The following FER1L6 variants were observed in gnomAD, a reference collection of about 807,000 sequenced individuals.
FER1L6 encodes the protein fer-1-like protein 6.
FER1L6 carries 177 observed loss-of-function variants against 219.2 expected under a neutral mutation model. The ratio of observed to expected loss-of-function variants is 0.81; its 90% CI spans 0.71 to 0.91. The LOEUF (loss-of-function observed/expected upper bound fraction) is 0.91, where lower values mean the gene tolerates loss of function less well. FER1L6 is among the 40% of genes least tolerant of loss of function. The pLI is 0.00. For missense variants in FER1L6, 2,153 were observed against 2,259.9 expected (o/e 0.95, Z 0.96); for synonymous variants, 768 against 824.3 (o/e 0.93, Z 1.17).
rs1379692370 is a variant in FER1L6 at position 124,085,204 on chromosome 8, T to C, written c.4391+2746T>C. Among the ~76,000 whole-genome samples the C allele has an allele frequency of 3.3e-5, 5 of 152,134 alleles. No homozygotes were observed. In the East Asian group the frequency reaches 9.6e-4, roughly 29 times the overall value. The stretch of plus-strand genomic sequence containing the variant: ...AGCCTAGCTAAAGAGTTGCCAATTT[T>C]GTTTATCTTTTTGAAAAACCAACTT... On this transcript the variant is annotated intron_variant, in intron 33 of 40. Coordinates refer to ENST00000522917, the MANE Select transcript of FER1L6 (RefSeq NM_001039112.2).
chr8:123,994,440 A>T (rs1817029082), intron 12 of FER1L6, among the ~76,000 whole-genome samples: 1 of 152,152 alleles, frequency 6.6e-6, no homozygotes, highest in Non-Finnish European at 1.5e-5. Context: ...GAGTCCAGAG[A>T]AGGAGTGGGG....
intron 16 of FER1L6, 101 bp downstream of exon 16, chr8:124,017,819 T>C (rs1818267960): frequency 1.2e-6 from 1 of 868,246 alleles, no homozygotes; most frequent in Non-Finnish European, 1.8e-6. Context: ...TTAAAGGTCA[T>C]ACATTTTTGG....
chr8:124,109,806 A>G (rs376114725), intron 39 of FER1L6, among the ~76,000 whole-genome samples: 3 of 152,344 alleles, frequency 2.0e-5, no homozygotes, highest in Admixed American at 6.5e-5. Flanking sequence ...AGAAGCTGCT[A>G]TCTTGAGGGG....
chr8:124,072,755 A>G (rs892513130), intron 31 of FER1L6, among the ~76,000 whole-genome samples: 8 of 152,218 alleles, frequency 5.3e-5, no homozygotes, highest in African/African-American at 1.9e-4. Context: ...GATGAGAAGA[A>G]CTTAGAGTCA....
intron 18 of FER1L6, among the ~76,000 whole-genome samples, chr8:124,029,396 A>G (rs867882074): frequency 1.3e-5 from 2 of 152,170 alleles, no homozygotes; most frequent in South Asian, 2.1e-4. Context: ...ACTTCCACCA[A>G]CAGTGTTCCT....
chr8:124,110,623 CAA>C, intron 39 of FER1L6, among the ~76,000 whole-genome samples: 1 of 152,290 alleles, frequency 6.6e-6, no homozygotes, highest in African/African-American at 2.4e-5. Flanking sequence ...TAAGAGATTG[CAA>C]AGACAGAAAT....
At chr8:123,921,629 C>CT (rs1288057227) in intron 1 of FER1L6, among the ~76,000 whole-genome samples, 6 of 151,320 alleles carry the variant, frequency 4.0e-5, no homozygotes, top group South Asian at 2.1e-4. Context: ...CCCACCTTAC[C>CT]TTTTTTTTGA....
chr8:123,868,134 A>G (rs1563667680), intron 1 of FER1L6, among the ~76,000 whole-genome samples: 2 of 151,692 alleles, frequency 1.3e-5, no homozygotes, highest in Non-Finnish European at 2.9e-5. Flanking sequence ...CCCCTCATTT[A>G]TTGGATGGGA....
At chr8:123,998,970 A>G (rs79741461) in intron 12 of FER1L6, among the ~76,000 whole-genome samples, 8,558 of 151,916 alleles carry the variant, frequency 0.056, 567 homozygotes, top group African/African-American at 0.16. Flanking sequence ...CTCCTCTCTG[A>G]CCCAAGACAG....
In FER1L6 at chr8:123,859,978, A is replaced by T. The variant is rs1368132993; in HGVS notation, c.-8+7793A>T. ...TTTTATTATTATTATTACTATTATT[A>T]TTATTATTTTTTTAATTATACTTTA... On this transcript the variant is annotated intron_variant, in intron 1 of 40. Transcript: ENST00000522917. Among the ~76,000 whole-genome samples, 6 of 122,800 alleles carry T rather than the reference A, an allele frequency of 4.9e-5. 1 individual carries two copies. The highest frequency in any genetic ancestry group is 4.3e-4 in the East Asian group (2 of 4,636). The allele number at this position is 122,800 out of a possible 152,430, so 80.6% of individuals were successfully genotyped here.
chr8:124,065,622 A>G (rs1011999872), intron 26 of FER1L6, among the ~76,000 whole-genome samples: 1 of 152,166 alleles, frequency 6.6e-6, no homozygotes, highest in African/African-American at 2.4e-5. Context: ...TCTCGGATTC[A>G]GTGTTCATCA....
intron 25 of FER1L6, among the ~76,000 whole-genome samples, chr8:124,063,372 C>A (rs1025392067): frequency 2.0e-5 from 3 of 152,042 alleles, no homozygotes; most frequent in African/African-American, 7.2e-5. Flanking sequence ...GCTTTCTCAC[C>A]CCTTGGTCAC....
intron 22 of FER1L6, among the ~76,000 whole-genome samples, chr8:124,053,001 TGGAATGG>T (rs1820121571): frequency 6.6e-6 from 1 of 152,178 alleles, no homozygotes; most frequent in African/African-American, 2.4e-5. Flanking sequence ...AAGGTGGTCG[TGGAATGG>T]CTGACTTGGG....
At chr8:123,856,306 A>ATG (rs1397663136) in intron 1 of FER1L6, among the ~76,000 whole-genome samples, 1 of 74,942 alleles carries the variant, frequency 1.3e-5, no homozygotes, top group African/African-American at 5.8e-5. Flanking sequence ...ATATATATAT[A>ATG]TATGTATGTG....
chr8:123,940,826 T>C (rs1027112002), intron 1 of FER1L6, among the ~76,000 whole-genome samples: 2 of 152,302 alleles, frequency 1.3e-5, no homozygotes, highest in Admixed American at 1.3e-4. Flanking sequence ...TACCAAATCA[T>C]CCTTTCTCTG....
At chr8:123,913,435 G>T (rs1464255307) in intron 1 of FER1L6, among the ~76,000 whole-genome samples, 2 of 152,172 alleles carry the variant, frequency 1.3e-5, no homozygotes, top group African/African-American at 4.8e-5. Context: ...ATAGCCAGCT[G>T]CCTCTCCCTT....
At chr8:123,918,032 G>A (rs971641186) in intron 1 of FER1L6, among the ~76,000 whole-genome samples, 3 of 152,124 alleles carry the variant, frequency 2.0e-5, no homozygotes, top group East Asian at 1.9e-4. Context: ...AATACAGGCC[G>A]GGCCTAGTGG....
chr8:124,061,224 AT>A (rs1044428690), intron 24 of FER1L6, among the ~76,000 whole-genome samples: 283 of 152,154 alleles, frequency 1.9e-3, no homozygotes, highest in Non-Finnish European at 3.0e-3. Context: ...TTCTGAAGTG[AT>A]TTTTTTTGAC....
intron 39 of FER1L6, among the ~76,000 whole-genome samples, chr8:124,110,192 T>G (rs918882357): frequency 1.3e-5 from 2 of 152,234 alleles, no homozygotes; most frequent in African/African-American, 4.8e-5. Flanking sequence ...TTTGTTCTTA[T>G]CTTGGTGATC....
Sources: gnomAD v4.1 joint callset for allele counts (sites outside exome capture counted in the v4.1 genomes callset) on GRCh38, gnomAD v4.1.1 for gene constraint, MANE v1.5 for transcripts, NCBI Gene and HGNC (gene_info 2026-07-23, HGNC 2026-07-21) for gene names.